The following ZNF804B variants were observed in gnomAD, a reference collection of about 807,000 sequenced individuals.
ZNF804B encodes zinc finger protein 804B, also known as zinc finger 804B.
In ZNF804B, 80 loss-of-function variants were observed where a neutral mutation model predicts 101.4. The ratio of observed to expected loss-of-function variants is 0.79; its 90% CI spans 0.66 to 0.95. The LOEUF is 0.95. Among genes scored for constraint, ZNF804B ranks in the 40% least tolerant of loss-of-function variants. The probability of loss-of-function intolerance (pLI) is 0.00; values close to 1 mark genes in which losing one functional copy is unlikely to be tolerated. For synonymous variants in ZNF804B, 622 were observed against 558.8 expected, an observed-to-expected ratio of 1.11 and a Z score of -1.59; for missense variants, 1,673 against 1,561.9, an observed-to-expected ratio of 1.07 and a Z score of -1.20.
chr7:89,208,968 C>T (rs898013434), intron 1 of ZNF804B, among the ~76,000 whole-genome samples: 36 of 151,940 alleles, frequency 2.4e-4, no homozygotes, highest in African/African-American at 7.5e-4. Context: ...GCTGAGATCG[C>T]GCCACTGCAC....
rs768600142 is a variant in ZNF804B, at chr7:89,334,500, G to A, written c.1518G>A (p.Leu506=). 6.2e-7 allele frequency: 1 copy of A among 1,613,638 alleles called. No homozygotes were observed. Among genetic ancestry groups the A allele is most frequent in the South Asian group, 1.1e-5 (1 of 91,066 alleles). ...AAACAGAATTGGGTAAGAAGCCCTT[G>A]GAATTGAAGACTAAAAGAGAGAGCC... The part of the protein sequence containing the change: ...DLKTELGKKP[L]ELKTKRESQV... Residue 506 remains leucine, a synonymous_variant, in exon 4 of 4, where the codon TTG becomes TTA. Transcript: ENST00000333190.
chr7:89,169,805 A>G (rs1036550838), intron 1 of ZNF804B, among the ~76,000 whole-genome samples: 6 of 152,182 alleles, frequency 3.9e-5, no homozygotes, highest in Non-Finnish European at 7.3e-5. Context: ...GGGAAGAAAT[A>G]TATATTCTTA....
At chr7:89,034,254 CATTT>C (rs1046810692) in intron 1 of ZNF804B, among the ~76,000 whole-genome samples, 5 of 151,932 alleles carry the variant, frequency 3.3e-5, no homozygotes, top group Admixed American at 2.6e-4. Flanking sequence ...TGAAGTTTTA[CATTT>C]ATTTATTTAT....
intron 1 of ZNF804B, among the ~76,000 whole-genome samples, chr7:88,883,221 A>G (rs1792069417): frequency 6.6e-6 from 1 of 152,058 alleles, no homozygotes; most frequent in African/African-American, 2.4e-5. Context: ...TACAGCCTCC[A>G]CTGCCAGAGA....
intron 1 of ZNF804B, among the ~76,000 whole-genome samples, chr7:88,785,504 C>T (rs1004205656): frequency 6.6e-6 from 1 of 152,070 alleles, no homozygotes; most frequent in African/African-American, 2.4e-5. Flanking sequence ...TCAGAGTGGT[C>T]CTTCTATAAT....
At chr7:88,998,956 G>T (rs116820309) in intron 1 of ZNF804B, among the ~76,000 whole-genome samples, 152 of 152,070 alleles carry the variant, frequency 1.0e-3, no homozygotes, top group African/African-American at 3.6e-3. Context: ...GACCATTAAG[G>T]GAAAAATGTG....
intron 1 of ZNF804B, among the ~76,000 whole-genome samples, chr7:88,993,023 A>G (rs1430556458): frequency 6.6e-6 from 1 of 151,964 alleles, no homozygotes; most frequent in Non-Finnish European, 1.5e-5. Context: ...CACATATTTT[A>G]TTAAAAGAAA....
At chr7:89,194,693 C>A (rs1404889340) in intron 1 of ZNF804B, among the ~76,000 whole-genome samples, 2 of 150,830 alleles carry the variant, frequency 1.3e-5, no homozygotes, top group African/African-American at 4.9e-5. Flanking sequence ...GGTACCAGTA[C>A]CATGCTGTTT....
At chr7:89,263,684 G>A (rs1024840622) in intron 2 of ZNF804B, among the ~76,000 whole-genome samples, 3 of 151,802 alleles carry the variant, frequency 2.0e-5, no homozygotes, top group Non-Finnish European at 2.9e-5. Flanking sequence ...CCTAAAGTTA[G>A]TGATAAATGT....
intron 1 of ZNF804B, among the ~76,000 whole-genome samples, chr7:88,840,526 A>G (rs1791280001): frequency 6.6e-6 from 1 of 152,130 alleles, no homozygotes; most frequent in African/African-American, 2.4e-5. Flanking sequence ...TCTCCTTAAA[A>G]TTGGGGATAT....
At chr7:88,973,198 C>A (rs998199510) in intron 1 of ZNF804B, among the ~76,000 whole-genome samples, 1 of 148,430 alleles carries the variant, frequency 6.7e-6, no homozygotes, top group Non-Finnish European at 1.5e-5. Context: ...AATGTGCAAT[C>A]TTTTTTTTTA....
intron 1 of ZNF804B, among the ~76,000 whole-genome samples, chr7:89,044,735 G>C (rs1789075395): frequency 6.6e-6 from 1 of 152,168 alleles, no homozygotes; most frequent in Non-Finnish European, 1.5e-5. Flanking sequence ...ACTTCAGTTA[G>C]ATGACTTAGG....
chr7:88,860,738 AAGTT>A (rs540387380), intron 1 of ZNF804B, among the ~76,000 whole-genome samples: 15 of 152,286 alleles, frequency 9.8e-5, no homozygotes, highest in Non-Finnish European at 1.8e-4. Flanking sequence ...TACAAGAAAA[AAGTT>A]AGGCACTACA....
At chr7:89,296,312 A>G (rs1010280860) in intron 2 of ZNF804B, among the ~76,000 whole-genome samples, 70 of 152,240 alleles carry the variant, frequency 4.6e-4, no homozygotes, top group African/African-American at 1.5e-3. Flanking sequence ...ATTTATAGAT[A>G]TGTAATTTTA....
intron 1 of ZNF804B, among the ~76,000 whole-genome samples, chr7:88,854,529 T>TCCTTCCCTTCCCCTCCCTTC (rs1562812908): frequency 1.7e-5 from 1 of 57,920 alleles, no homozygotes; most frequent in African/African-American, 7.3e-5. Flanking sequence ...TTCCTTCCTT[T>TCCTTCCCTTCCCCTCCCTTC]CCTTCCTTCC....
chr7:89,261,478 C>T (rs890665299), intron 2 of ZNF804B, among the ~76,000 whole-genome samples: 9 of 152,176 alleles, frequency 5.9e-5, no homozygotes, highest in Admixed American at 4.6e-4. Flanking sequence ...CATAAGTGAC[C>T]TGTGCAGTCC....
intron 2 of ZNF804B, among the ~76,000 whole-genome samples, chr7:89,300,195 C>A (rs1790452619): frequency 6.6e-6 from 1 of 151,662 alleles, no homozygotes; most frequent in Non-Finnish European, 1.5e-5. Flanking sequence ...CTGTATAGTT[C>A]AAAATAAAGC....
chr7:89,260,818 T>A (rs912194844), intron 2 of ZNF804B, among the ~76,000 whole-genome samples: 1 of 152,198 alleles, frequency 6.6e-6, no homozygotes, highest in African/African-American at 2.4e-5. Context: ...CAGCTACAGC[T>A]GTATCGTATC....
intron 2 of ZNF804B, among the ~76,000 whole-genome samples, chr7:89,242,510 A>G (rs1261134980): frequency 1.3e-5 from 2 of 151,878 alleles, no homozygotes; most frequent in African/African-American, 4.8e-5. Flanking sequence ...TTATGTTATC[A>G]TGTAATTAAC....
Sources: allele counts gnomAD v4.1 joint callset (sites outside exome capture counted in the v4.1 genomes callset), GRCh38; gene constraint gnomAD v4.1.1; transcripts MANE v1.5; gene names NCBI Gene and HGNC (gene_info 2026-07-23, HGNC 2026-07-21).